GAB2: variants seen among roughly 807,000 people sequenced by gnomAD.
The protein encoded by GAB2 is GRB2-associated-binding protein 2.
In GAB2, 26 loss-of-function variants were observed where a neutral mutation model predicts 65.5. The ratio of observed to expected loss-of-function variants is 0.40; its 90% CI spans 0.29 to 0.55. The LOEUF is 0.55. Ranked by LOEUF, GAB2 falls within the 20% of genes least tolerant of loss-of-function variation. The pLI is 0.53. For synonymous variants in GAB2, 321 were observed against 329.6 expected (o/e 0.97, Z 0.28); for missense variants, 884 against 875.8 (o/e 1.01, Z -0.12).
chr11:78,290,564 C>T (rs140066540), intron 1 of GAB2, among the ~76,000 whole-genome samples: 4 of 152,244 alleles, frequency 2.6e-5, no homozygotes, highest in African/African-American at 7.2e-5. Context: ...GCCCAGAAAA[C>T]CTAGGTGGGC....
intron 3 of GAB2, among the ~76,000 whole-genome samples, chr11:78,246,923 G>C (rs145174995): frequency 5.7e-4 from 87 of 152,290 alleles, no homozygotes; most frequent in South Asian, 3.9e-3. Context: ...ACTCGATTCG[G>C]TTTGTCCCAC....
intron 1 of GAB2, among the ~76,000 whole-genome samples, chr11:78,316,007 C>T (rs1855595496): frequency 6.6e-6 from 1 of 152,180 alleles, no homozygotes; most frequent in Non-Finnish European, 1.5e-5. Context: ...AGCTTGCTTG[C>T]TGAGGCTTCT....
Position 78,223,391 on chromosome 11 carries a change from CAG to C in GAB2, c.1567+19_1567+20del. ...CCCTAGCCACTGTCCAGAGATGGGA[CAG>C]GGGAAAGAATGGACTTACCTTTCCG... On this transcript the variant is annotated intron_variant, in intron 6 of 9. Transcript: ENST00000361507. 8 of 1,499,914 alleles carry C rather than the reference CAG, an allele frequency of 5.3e-6. No individual in the cohort carries two copies. The highest frequency in any genetic ancestry group is 2.7e-5 in the South Asian group (2 of 73,120). 92.9% of individuals were successfully genotyped at this position (1,499,914 alleles called of 1,614,324 possible).
chr11:78,240,507 C>T (rs369096162), intron 3 of GAB2, among the ~76,000 whole-genome samples: 5 of 151,894 alleles, frequency 3.3e-5, no homozygotes, highest in East Asian at 3.9e-4. Flanking sequence ...TGTTGAGATA[C>T]GCCTCTCCCT....
chr11:78,221,318 T>G (rs1388407081), intron 8 of GAB2, among the ~76,000 whole-genome samples: 2 of 152,232 alleles, frequency 1.3e-5, no homozygotes, highest in Non-Finnish European at 2.9e-5. Flanking sequence ...AAGTGAGTTA[T>G]GTGCACGTAT....
chr11:78,261,225 T>C (rs751449986), intron 2 of GAB2, among the ~76,000 whole-genome samples: 8 of 151,926 alleles, frequency 5.3e-5, no homozygotes, highest in Non-Finnish European at 1.0e-4. Context: ...GAGGTCGAGG[T>C]TGCAGTAAGC....
intron 2 of GAB2, among the ~76,000 whole-genome samples, chr11:78,263,360 GCAGT>G (rs917518360): frequency 9.6e-5 from 14 of 146,426 alleles, no homozygotes; most frequent in Non-Finnish European, 2.0e-4. Context: ...CTGGCCGGGC[GCAGT>G]CACTCACACC....
chr11:78,222,849 T>C (rs1396733950), intron 6 of GAB2, among the ~76,000 whole-genome samples: 1 of 152,146 alleles, frequency 6.6e-6, no homozygotes, highest in Non-Finnish European at 1.5e-5. Flanking sequence ...TCCCAAAGTG[T>C]TGGGGTTACA....
chr11:78,338,321 C>T (rs1435336743), intron 1 of GAB2, among the ~76,000 whole-genome samples: 2 of 152,130 alleles, frequency 1.3e-5, no homozygotes, highest in African/African-American at 4.8e-5. Context: ...AATAATAAGA[C>T]ATAAGTAGAA....
Position 78,346,715 on chromosome 11 carries a change from A to G in GAB2, c.76-65814T>C, listed in dbSNP as rs1328325028. Among the ~76,000 whole-genome samples, 330 of 44,006 alleles carry G rather than the reference A, an allele frequency of 7.5e-3. 8 individuals are homozygous for G. Among genetic ancestry groups the G allele is most frequent in the Non-Finnish European group, 0.013 (291 of 21,590 alleles). The allele number at this position is 44,006 out of a possible 152,430, so 28.9% of individuals were successfully genotyped here. Reference sequence around the variant, plus strand: ...TATATATATATATATATATATATATATATATAATTTTTTTTTTTTTTAGGA... The same window carrying G: ...TATATATATATATATATATATATATGTATATAATTTTTTTTTTTTTTAGGA... On this transcript the variant is annotated intron_variant, in intron 1 of 9. Coordinates refer to ENST00000361507, the MANE Select transcript of GAB2 (RefSeq NM_080491.3).
intron 1 of GAB2, among the ~76,000 whole-genome samples, chr11:78,350,813 C>A (rs1159811015): frequency 1.3e-5 from 2 of 152,198 alleles, no homozygotes; most frequent in African/African-American, 4.8e-5. Flanking sequence ...TGCTTTTGTG[C>A]TCATTGAACT....
chr11:78,259,824 C>T (rs950026378), intron 2 of GAB2, among the ~76,000 whole-genome samples: 4 of 152,100 alleles, frequency 2.6e-5, no homozygotes, highest in African/African-American at 4.8e-5. Flanking sequence ...CAGAAATGAA[C>T]CCTGGAATAA....
intron 1 of GAB2, among the ~76,000 whole-genome samples, chr11:78,291,548 C>CTTTTTTATT (rs1480308815): frequency 1.5e-5 from 1 of 66,288 alleles, no homozygotes; most frequent in Non-Finnish European, 2.9e-5. Context: ...GAGAGACTTA[C>CTTTTTTATT]TTTTTTCTTT....
chr11:78,300,469 T>C (rs1174439928), intron 1 of GAB2, among the ~76,000 whole-genome samples: 3 of 150,530 alleles, frequency 2.0e-5, no homozygotes, highest in African/African-American at 7.4e-5. Flanking sequence ...GTTAAATACC[T>C]AGGAGTGGAA....
chr11:78,317,558 C>CAAAAAAAAAAAA (rs370515492), intron 1 of GAB2, among the ~76,000 whole-genome samples: 1 of 60,806 alleles, frequency 1.6e-5, no homozygotes, highest in Non-Finnish European at 3.2e-5. Flanking sequence ...GACTCCGTCT[C>CAAAAAAAAAAAA]AAAAAAAAAA....
intron 2 of GAB2, among the ~76,000 whole-genome samples, chr11:78,255,867 G>C (rs181153237): frequency 1.3e-5 from 2 of 152,166 alleles, no homozygotes; most frequent in African/African-American, 4.8e-5. Flanking sequence ...TAGAACAAAA[G>C]CGACATGGTG....
intron 2 of GAB2, among the ~76,000 whole-genome samples, chr11:78,263,405 G>A (rs1040660157): frequency 9.9e-5 from 15 of 152,052 alleles, no homozygotes; most frequent in Admixed American, 6.6e-5. Flanking sequence ...AGGCCAAGGC[G>A]GGCAGATGAC....
intron 3 of GAB2, among the ~76,000 whole-genome samples, chr11:78,232,155 G>C (rs767667547): frequency 3.0e-4 from 45 of 152,234 alleles, no homozygotes; most frequent in Non-Finnish European, 5.0e-4. Flanking sequence ...TCTGGTGAAT[G>C]AGTCAGGGAA....
chr11:78,417,586 C>T, intron 1 of GAB2, 60 bp downstream of exon 1: 1 of 947,886 alleles, frequency 1.1e-6, no homozygotes, highest in South Asian at 2.5e-5. Flanking sequence ...GAGTCCCCCG[C>T]CCCTCCGCAG....
Sources: allele counts gnomAD v4.1 joint callset (sites outside exome capture counted in the v4.1 genomes callset), GRCh38; gene constraint gnomAD v4.1.1; transcripts MANE v1.5; gene names NCBI Gene and HGNC (gene_info 2026-07-23, HGNC 2026-07-21).